THSD4: variants seen among roughly 807,000 people sequenced by gnomAD.
THSD4 encodes the protein thrombospondin type 1 domain containing 4.
THSD4 carries 69 observed loss-of-function variants against 119.0 expected under a neutral mutation model. That is an observed-to-expected ratio of 0.58 (90% confidence interval 0.48 to 0.71). THSD4 has a LOEUF of 0.71. THSD4 is among the 30% of genes least tolerant of loss of function. THSD4 has a pLI of 0.00. For missense variants in THSD4, 1,393 were observed against 1,391.1 expected (o/e 1.00, Z -0.02); for synonymous variants, 524 against 540.4 (o/e 0.97, Z 0.42).
intron 7 of THSD4, among the ~76,000 whole-genome samples, chr15:71,478,055 C>T (rs1332238843): frequency 6.6e-6 from 1 of 152,166 alleles, no homozygotes; most frequent in African/African-American, 2.4e-5. Flanking sequence ...ACAATGTTTT[C>T]CTTAAAGATG....
At position 71,560,970 on chromosome 15, in the gene THSD4, C is replaced by CATTTTTTTTTT. The variant is rs200892599; in HGVS notation, c.1153-99560_1153-99559insATTTTTTTTTT. The stretch of plus-strand genomic sequence containing the variant: ...GTTCACTAAGCATCATTCTCTTTAT[C>CATTTTTTTTTT]TTTTTTTTTTTTTTTTTTTTTTGAG... On this transcript the variant is annotated intron_variant, in intron 7 of 17. Coordinates refer to ENST00000261862, the MANE Select transcript of THSD4 (RefSeq NM_024817.3). 2.4e-5 allele frequency among the ~76,000 whole-genome samples: 3 copies of CATTTTTTTTTT among 123,990 alleles called. 1 individual carries two copies. Among genetic ancestry groups the CATTTTTTTTTT allele is most frequent in the African/African-American group, 9.0e-5 (3 of 33,394 alleles). 81.3% of individuals were successfully genotyped at this position (123,990 alleles called of 152,430 possible).
intron 14 of THSD4, 117 bp downstream of exon 14, chr15:71,748,711 A>T (rs992433973): frequency 7.7e-6 from 10 of 1,293,350 alleles, no homozygotes; most frequent in Non-Finnish European, 7.3e-6. Flanking sequence ...TCTGGGGGGA[A>T]AAAAAAGGCC....
At chr15:71,123,132 G>A (rs996902796) in intron 1 of THSD4, among the ~76,000 whole-genome samples, 56 of 152,226 alleles carry the variant, frequency 3.7e-4, no homozygotes, top group African/African-American at 1.3e-3. Context: ...GACTTTCTGA[G>A]TTCCAGAGAG....
At chr15:71,150,144 C>T (rs942754108) in intron 2 of THSD4, among the ~76,000 whole-genome samples, 4 of 152,174 alleles carry the variant, frequency 2.6e-5, no homozygotes, top group African/African-American at 9.7e-5. Context: ...TCTGTCAAAA[C>T]GTTGCAAGCT....
At chr15:71,435,077 T>A (rs1269360513) in intron 7 of THSD4, among the ~76,000 whole-genome samples, 2 of 152,166 alleles carry the variant, frequency 1.3e-5, no homozygotes, top group Admixed American at 6.5e-5. Flanking sequence ...AAAGGATCAA[T>A]GACAAATGTG....
chr15:71,098,693 C>T (rs2040242073), intron 1 of THSD4, among the ~76,000 whole-genome samples: 1 of 152,120 alleles, frequency 6.6e-6, no homozygotes, highest in South Asian at 2.1e-4. Flanking sequence ...ATGTTGACTG[C>T]CTGGGAGACA....
rs919179337 is a variant in THSD4, at chr15:71,563,790, C to T, written c.1153-96740C>T. 1.3e-5 allele frequency among the ~76,000 whole-genome samples: 2 copies of T among 152,290 alleles called. 1 individual carries two copies. On this transcript the variant is annotated intron_variant, in intron 7 of 17. Coordinates refer to ENST00000261862, the MANE Select transcript of THSD4 (RefSeq NM_024817.3). Reference sequence around the variant, plus strand: ...AGCCAGGGCCCCTTTTTTCCAGTTACTGCTCCCATCTCCTTTAAGTATATT... The same window carrying T: ...AGCCAGGGCCCCTTTTTTCCAGTTATTGCTCCCATCTCCTTTAAGTATATT...
chr15:71,238,134 A>G (rs968677872), intron 4 of THSD4, among the ~76,000 whole-genome samples: 3 of 152,136 alleles, frequency 2.0e-5, no homozygotes, highest in Admixed American at 1.3e-4. Flanking sequence ...AAAAAAAATC[A>G]CACATGATGC....
intron 8 of THSD4, among the ~76,000 whole-genome samples, chr15:71,687,773 C>CAAAT: frequency 6.9e-6 from 1 of 144,634 alleles, no homozygotes; most frequent in East Asian, 2.0e-4. Flanking sequence ...AAAAAAAAAA[C>CAAAT]AAACCAGCAC....
At chr15:71,270,683 A>T (rs1047227524) in intron 6 of THSD4, among the ~76,000 whole-genome samples, 1 of 152,152 alleles carries the variant, frequency 6.6e-6, no homozygotes, top group African/African-American at 2.4e-5. Context: ...ATGTATATGG[A>T]AGCCAAGAAA....
intron 7 of THSD4, among the ~76,000 whole-genome samples, chr15:71,477,231 G>A (rs1288921731): frequency 1.3e-5 from 2 of 152,204 alleles, no homozygotes; most frequent in Non-Finnish European, 1.5e-5. Context: ...AGGGTGTGAC[G>A]CCACTGGTTC....
At chr15:71,561,295 G>A (rs1393696520) in intron 7 of THSD4, among the ~76,000 whole-genome samples, 1 of 152,086 alleles carries the variant, frequency 6.6e-6, no homozygotes, top group Non-Finnish European at 1.5e-5. Flanking sequence ...TAAAATGGGA[G>A]GATCATGTCA....
chr15:71,239,108 T>C (rs142321588), intron 4 of THSD4, among the ~76,000 whole-genome samples: 54 of 152,350 alleles, frequency 3.5e-4, no homozygotes, highest in African/African-American at 1.3e-3. Context: ...CAAATACTTG[T>C]ATGATGCATA....
intron 6 of THSD4, among the ~76,000 whole-genome samples, chr15:71,283,812 TG>T (rs2044683848): frequency 1.3e-5 from 2 of 152,172 alleles, no homozygotes; most frequent in South Asian, 4.1e-4. Context: ...AAGGTATCGT[TG>T]ACAGTGGGCT....
At chr15:71,499,913 T>C (rs1443034069) in intron 7 of THSD4, among the ~76,000 whole-genome samples, 1 of 152,242 alleles carries the variant, frequency 6.6e-6, no homozygotes, top group Non-Finnish European at 1.5e-5. Flanking sequence ...GTTCACATTT[T>C]AGCTATTGTG....
chr15:71,169,819 A>C (rs919847246), intron 3 of THSD4, among the ~76,000 whole-genome samples: 6 of 152,200 alleles, frequency 3.9e-5, no homozygotes, highest in Admixed American at 1.3e-4. Context: ...GTCTTGGTGC[A>C]GGGAGGGGTA....
intron 7 of THSD4, among the ~76,000 whole-genome samples, chr15:71,481,156 TA>T (rs1194101146): frequency 6.6e-6 from 1 of 152,126 alleles, no homozygotes; most frequent in Non-Finnish European, 1.5e-5. Context: ...AAAAAAGCTC[TA>T]AAAAGTGAAA....
chr15:71,522,116 A>G (rs541160944), intron 7 of THSD4, among the ~76,000 whole-genome samples: 2 of 152,322 alleles, frequency 1.3e-5, no homozygotes, highest in East Asian at 3.9e-4. Flanking sequence ...ATGAAGGCAC[A>G]TACCTACTCT....
chr15:71,549,275 C>T (rs2048889950), intron 7 of THSD4, among the ~76,000 whole-genome samples: 2 of 152,214 alleles, frequency 1.3e-5, no homozygotes, highest in African/African-American at 4.8e-5. Context: ...CTTTGTTCCA[C>T]TCTGCTTTGC....
Sources: gnomAD v4.1 joint callset for allele counts (sites outside exome capture counted in the v4.1 genomes callset) on GRCh38, gnomAD v4.1.1 for gene constraint, MANE v1.5 for transcripts, NCBI Gene and HGNC (gene_info 2026-07-23, HGNC 2026-07-21) for gene names.